The following NAALADL2 variants were observed in gnomAD, a reference collection of about 807,000 sequenced individuals.
The protein encoded by NAALADL2 is inactive N-acetylated-alpha-linked acidic dipeptidase-like protein 2.
A neutral mutation model predicts 87.2 loss-of-function variants in NAALADL2; 76 were observed. The observed-to-expected ratio is 0.87, with a 90% CI of 0.72 to 1.05. The LOEUF is 1.05. NAALADL2 is among the 50% of genes least tolerant of loss of function. The pLI, the probability that NAALADL2 is intolerant of heterozygous loss-of-function variation, is 0.00. For synonymous variants in NAALADL2, 354 were observed against 331.0 expected, an observed-to-expected ratio of 1.07 and a Z score of -0.75; for missense variants, 1,089 against 945.8, an observed-to-expected ratio of 1.15 and a Z score of -1.99.
Position 174,897,972 on chromosome 3 carries a change from G to A in NAALADL2, c.43+38522G>A, listed in dbSNP as rs533615762. On this transcript the variant is annotated intron_variant, in intron 1 of 13. Transcript: ENST00000454872. ...ACTAAAAATACAAAAAATTAGCCGGGCGTAGTGGCGGGCGCCTGTAGTCCC... is the reference window on the plus strand; with the variant it reads ...ACTAAAAATACAAAAAATTAGCCGGACGTAGTGGCGGGCGCCTGTAGTCCC... Among the ~76,000 whole-genome samples, 285 of 143,276 alleles carry A rather than the reference G, an allele frequency of 2.0e-3. 3 individuals carry two copies. Among genetic ancestry groups the A allele is most frequent in the Non-Finnish European group, 3.1e-3 (211 of 67,078 alleles). The allele number at this position is 143,276 out of a possible 152,430, so 94.0% of individuals were successfully genotyped here. A position where few individuals can be genotyped will look rare whatever the true frequency, so the allele number is the denominator to read the frequency against.
At chr3:175,397,806 C>G (rs1018262227) in intron 5 of NAALADL2, among the ~76,000 whole-genome samples, 5 of 152,102 alleles carry the variant, frequency 3.3e-5, no homozygotes, top group African/African-American at 1.2e-4. Context: ...TTACTGTTTA[C>G]AGTTTCATAG....
In NAALADL2 at chr3:175,771,008, A is replaced by G. The variant is rs116370754; in HGVS notation, c.2189+15590A>G. 2.9e-3 allele frequency among the ~76,000 whole-genome samples: 438 copies of G among 152,340 alleles called. 1 individual carries two copies. Among genetic ancestry groups the G allele is most frequent in the African/African-American group, 0.01 (428 of 41,584 alleles). ...ATCTTTTTTCCTGAAATAGAATATC[A>G]CATGGGTGAATAGAAAGTCATTTCA... is the stretch of plus-strand genomic sequence containing the variant. On this transcript the variant is annotated intron_variant, in intron 13 of 13. Coordinates refer to ENST00000454872, the MANE Select transcript of NAALADL2 (RefSeq NM_207015.3).
intron 1 of NAALADL2, among the ~76,000 whole-genome samples, chr3:175,043,587 T>G (rs1170274097): frequency 6.6e-6 from 1 of 152,170 alleles, no homozygotes; most frequent in Non-Finnish European, 1.5e-5. Flanking sequence ...CAATTTTAAT[T>G]TTTTACATGT....
intron 12 of NAALADL2, among the ~76,000 whole-genome samples, chr3:175,754,028 G>C (rs1435602482): frequency 6.6e-6 from 1 of 152,136 alleles, no homozygotes; most frequent in Non-Finnish European, 1.5e-5. Flanking sequence ...CTCACTTAAA[G>C]CCTGATTCTA....
intron 1 of NAALADL2, among the ~76,000 whole-genome samples, chr3:174,521,873 A>G (rs1720320496): frequency 6.6e-6 from 1 of 152,098 alleles, no homozygotes; most frequent in South Asian, 2.1e-4. Context: ...TAGAAGCCCA[A>G]ACCTCACCAT....
chr3:174,974,393 A>G (rs1744091768), intron 1 of NAALADL2, among the ~76,000 whole-genome samples: 2 of 152,226 alleles, frequency 1.3e-5, no homozygotes, highest in African/African-American at 4.8e-5. Flanking sequence ...AAGGCATCCC[A>G]GGTACAAGCA....
chr3:175,523,690 C>G (rs1393722566), intron 9 of NAALADL2, among the ~76,000 whole-genome samples: 1 of 152,168 alleles, frequency 6.6e-6, no homozygotes, highest in Non-Finnish European at 1.5e-5. Context: ...TGTGTCCTTC[C>G]CCTTTTGTCT....
chr3:175,177,272 G>T (rs375915774), intron 2 of NAALADL2, among the ~76,000 whole-genome samples: 15 of 152,112 alleles, frequency 9.9e-5, no homozygotes, highest in African/African-American at 3.1e-4. Context: ...TGATATCTGT[G>T]CTTGTAATTT....
chr3:174,682,435 C>G (rs917996532), intron 2 of NAALADL2, among the ~76,000 whole-genome samples: 1 of 152,128 alleles, frequency 6.6e-6, no homozygotes, highest in African/African-American at 2.4e-5. Flanking sequence ...CAGTGGTTAC[C>G]ACAGGCCTTG....
chr3:174,534,528 C>G (rs921037168), intron 1 of NAALADL2, among the ~76,000 whole-genome samples: 1 of 152,186 alleles, frequency 6.6e-6, no homozygotes, highest in Non-Finnish European at 1.5e-5. Context: ...TTCCTCCCTG[C>G]TCCCAAGATG....
rs566286643 is a variant in NAALADL2, at chr3:174,739,461, T to C, written c.-9+1715T>C. 1.8e-3 allele frequency among the ~76,000 whole-genome samples: 270 copies of C among 152,254 alleles called. 9 individuals carry two copies. The South Asian group carries it at 0.054, about 30-fold the overall frequency. Reference sequence around the variant, plus strand: ...GGAGCTAGGATCTCTATGGTTTCATTTGGGCCCTTCCATTGTCTTTTTTCT... The same window carrying C: ...GGAGCTAGGATCTCTATGGTTTCATCTGGGCCCTTCCATTGTCTTTTTTCT... On this transcript the variant is annotated intron_variant, in intron 3 of 3. Transcript: ENST00000434257.
intron 4 of NAALADL2, among the ~76,000 whole-genome samples, chr3:175,258,939 T>C (rs1451234995): frequency 6.6e-6 from 1 of 152,196 alleles, no homozygotes; most frequent in African/African-American, 2.4e-5. Context: ...TAAGCACATG[T>C]GACAGAGAGC....
chr3:175,277,025 C>A (rs1305178984), intron 4 of NAALADL2, among the ~76,000 whole-genome samples: 3 of 152,086 alleles, frequency 2.0e-5, no homozygotes. Flanking sequence ...ATAAAACTTA[C>A]AATATGCTCA....
intron 9 of NAALADL2, among the ~76,000 whole-genome samples, chr3:175,491,539 A>T (rs780600951): frequency 6.6e-6 from 1 of 152,226 alleles, no homozygotes; most frequent in Admixed American, 6.5e-5. Flanking sequence ...TTTAAAAATC[A>T]TTCCCGATAT....
intron 1 of NAALADL2, among the ~76,000 whole-genome samples, chr3:174,980,884 T>G (rs1745025167): frequency 6.6e-6 from 1 of 152,154 alleles, no homozygotes; most frequent in Non-Finnish European, 1.5e-5. Context: ...ATCTATTGTA[T>G]CTTCAAAATT....
chr3:175,053,564 A>G (rs1285088348), intron 1 of NAALADL2, among the ~76,000 whole-genome samples: 2 of 152,188 alleles, frequency 1.3e-5, no homozygotes, highest in African/African-American at 2.4e-5. Context: ...ACAGTATCCA[A>G]ATTGGCTGTT....
intron 3 of NAALADL2, among the ~76,000 whole-genome samples, chr3:174,759,940 C>T (rs1342666800): frequency 6.6e-6 from 1 of 152,086 alleles, no homozygotes; most frequent in African/African-American, 2.4e-5. Flanking sequence ...ACCTTGTGAT[C>T]TGCCCGCCTC....
chr3:175,562,805 C>T (rs530776722), intron 9 of NAALADL2, among the ~76,000 whole-genome samples: 2 of 151,728 alleles, frequency 1.3e-5, no homozygotes, highest in Admixed American at 6.6e-5. Context: ...AAAGTCTTCT[C>T]TATTCTTATA....
At chr3:174,700,579 C>CAA in intron 2 of NAALADL2, among the ~76,000 whole-genome samples, 1 of 151,716 alleles carries the variant, frequency 6.6e-6, no homozygotes, top group Non-Finnish European at 1.5e-5. Context: ...TTTAGAAAAA[C>CAA]AAAAAAAATG....
Sources: gnomAD v4.1 joint callset for allele counts (sites outside exome capture counted in the v4.1 genomes callset) on GRCh38, gnomAD v4.1.1 for gene constraint, MANE v1.5 for transcripts, NCBI Gene and HGNC (gene_info 2026-07-23, HGNC 2026-07-21) for gene names.